PDPK1: variants seen among roughly 807,000 people sequenced by gnomAD.
The protein encoded by PDPK1 is 3-phosphoinositide-dependent protein kinase 1.
Under a neutral mutation model 39.8 loss-of-function variants are expected in PDPK1, and 7 were observed. That is an observed-to-expected ratio of 0.18 (90% CI 0.10 to 0.33). The LOEUF is 0.33. Among genes scored for constraint, PDPK1 ranks in the 10% least tolerant of loss-of-function variants. PDPK1 has a pLI of 1.00. For synonymous variants in PDPK1, 118 were observed against 159.1 expected (o/e 0.74, Z 1.95); for missense variants, 182 against 384.7 (o/e 0.47, Z 4.41).
chr16:2,586,812 C>T lies in PDPK1; in HGVS notation c.1262C>T (p.Ser421Leu), dbSNP rs547797391. The change falls in exon 11 of 14, where the codon TCG (serine) becomes TTG (leucine). Residue 421 changes from serine to leucine, a missense_variant. Ser to Leu is a moderately radical substitution (Grantham distance 145). Around this residue, in one of 5 missense-constraint regions of PDPK1, gnomAD observed 90 missense variants for 111.9 expected, o/e 0.80. Coordinates refer to ENST00000342085, the MANE Select transcript of PDPK1 (RefSeq NM_002613.5). Reference sequence around the variant, plus strand: ...GAGCAGTACATTCACGATCTGGACTCGAACTCCTTTGAACTGGACTTACAG... The same window carrying T: ...GAGCAGTACATTCACGATCTGGACTTGAACTCCTTTGAACTGGACTTACAG... ...NIEQYIHDLDSNSFELDLQFS... is the reference protein window; with the variant it reads ...NIEQYIHDLDLNSFELDLQFS... 5.0e-6 allele frequency: 8 copies of T among 1,614,122 alleles called. No homozygotes were observed. Among genetic ancestry groups the T allele is most frequent in the South Asian group, 2.2e-5 (2 of 91,084 alleles).
At chr16:2,589,914 G>A (rs1416418788) in intron 11 of PDPK1, among the ~76,000 whole-genome samples, 2 of 152,140 alleles carry the variant, frequency 1.3e-5, no homozygotes, top group African/African-American at 2.4e-5. Context: ...CAAAGCCTCC[G>A]GCTGCAGCAC....
chr16:2,546,865 T>C (rs894190143), intron 1 of PDPK1, among the ~76,000 whole-genome samples: 1 of 151,674 alleles, frequency 6.6e-6, no homozygotes, highest in African/African-American at 2.4e-5. Flanking sequence ...TGATGGTCCT[T>C]GGGGAGCCCA....
intron 10 of PDPK1, among the ~76,000 whole-genome samples, chr16:2,586,364 A>C (rs1482365245): frequency 1.3e-5 from 2 of 152,204 alleles, no homozygotes; most frequent in Non-Finnish European, 2.9e-5. Flanking sequence ...TCCGGGGGGC[A>C]GCACTGGCAT....
chr16:2,538,841 G>T, intron 1 of PDPK1: 7 of 1,091,944 alleles, frequency 6.4e-6, no homozygotes, highest in Non-Finnish European at 8.3e-6. Context: ...TAAAAGTGTC[G>T]CTGGTGTTTC....
intron 1 of PDPK1, among the ~76,000 whole-genome samples, chr16:2,541,585 G>A (rs534993213): frequency 2.6e-5 from 4 of 152,296 alleles, no homozygotes; most frequent in African/African-American, 4.8e-5. Context: ...AAGCAGGTGC[G>A]AGGGCCAGGG....
intron 6 of PDPK1, chr16:2,576,470 G>GT (rs1203048827): frequency 7.0e-6 from 1 of 143,800 alleles, no homozygotes; most frequent in Admixed American, 6.7e-5. Context: ...TGAAGTGTTT[G>GT]TTTTTTGTTT....
At chr16:2,551,624 A>G (rs1341182970) in intron 1 of PDPK1, among the ~76,000 whole-genome samples, 2 of 150,276 alleles carry the variant, frequency 1.3e-5, no homozygotes, top group African/African-American at 4.9e-5. Context: ...TCTGCGTGAC[A>G]GCATCTTGAC....
intron 1 of PDPK1, among the ~76,000 whole-genome samples, chr16:2,544,203 T>C (rs77274929): frequency 2.0e-5 from 3 of 152,132 alleles, no homozygotes; most frequent in Non-Finnish European, 2.9e-5. Context: ...ACTCTCCTGA[T>C]AGGTGGTTAC....
At chr16:2,538,945 A>G (rs1305082253) in intron 1 of PDPK1, 2 of 398,184 alleles carry the variant, frequency 5.0e-6, no homozygotes, top group East Asian at 7.6e-5. Flanking sequence ...TTAAAAATTT[A>G]TGCCTTGTAT....
chr16:2,538,818 T>C lies in PDPK1; in HGVS notation c.24+682T>C, dbSNP rs1030977108. The C allele has an allele frequency of 3.3e-6, 4 of 1,207,868 alleles. No individual in the cohort carries two copies. In the African/African-American group the frequency reaches 6.3e-5, roughly 19 times the overall value. The allele number at this position is 1,207,868 out of a possible 1,614,324, so 74.8% of individuals were successfully genotyped here. On this transcript the variant is annotated intron_variant, in intron 1 of 13. Coordinates refer to ENST00000342085, the MANE Select transcript of PDPK1 (RefSeq NM_002613.5). Reference sequence around the variant, plus strand: ...GGACCAAAACAAACCACTTGTTGGGTGAAATGTTTTGCTAAAAGTGTCGCT... The same window carrying C: ...GGACCAAAACAAACCACTTGTTGGGCGAAATGTTTTGCTAAAAGTGTCGCT...
At chr16:2,587,393 A>G (rs1405364022) in intron 11 of PDPK1, among the ~76,000 whole-genome samples, 1 of 152,126 alleles carries the variant, frequency 6.6e-6, no homozygotes, top group Non-Finnish European at 1.5e-5. Context: ...ATGCTCCAAA[A>G]ACAAACTTGT....
rs2067128739 is a variant in PDPK1 at position 2,597,547 on chromosome 16, T to C, written c.1555-104T>C. 1.2e-6 allele frequency: 1 copy of C among 846,548 alleles called. No individual in the cohort carries two copies. The highest frequency in any genetic ancestry group is 2.0e-6 in the Non-Finnish European group (1 of 489,716). The allele number at this position is 846,548 out of a possible 1,614,324, so 52.4% of individuals were successfully genotyped here. ...TGTGTGAATAACCGTCACACCCACG[T>C]GCTTTCAGGACTCGGAATGGCTGGT... On this transcript the variant is annotated intron_variant, in intron 13 of 13. Coordinates refer to ENST00000342085, the MANE Select transcript of PDPK1 (RefSeq NM_002613.5). The surrounding 1 kb of genome is among the most constrained non-coding windows in gnomAD (Gnocchi z 6.3).
In PDPK1 at chr16:2,538,832, A is replaced by G. The variant is rs989545718; in HGVS notation, c.24+696A>G. 6.1e-6 allele frequency: 7 copies of G among 1,147,898 alleles called. No homozygotes were observed. In the African/African-American group the frequency reaches 6.5e-5, roughly 11 times the overall value. 71.1% of individuals were successfully genotyped at this position (1,147,898 alleles called of 1,614,324 possible). A position where few individuals can be genotyped will look rare whatever the true frequency, so the allele number is the denominator to read the frequency against. Reference sequence around the variant, plus strand: ...CACTTGTTGGGTGAAATGTTTTGCTAAAAGTGTCGCTGGTGTTTCTATATT... The same window carrying G: ...CACTTGTTGGGTGAAATGTTTTGCTGAAAGTGTCGCTGGTGTTTCTATATT... On this transcript the variant is annotated intron_variant, in intron 1 of 13. Transcript: ENST00000342085.
intron 1 of PDPK1, among the ~76,000 whole-genome samples, chr16:2,551,676 T>G (rs1287416668): frequency 9.8e-5 from 13 of 132,074 alleles, no homozygotes; most frequent in Non-Finnish European, 1.4e-4. Context: ...TTTTTTTTTT[T>G]TTGTTTTTAG....
chr16:2,589,108 A>G (rs1183251964), intron 11 of PDPK1, among the ~76,000 whole-genome samples: 2 of 152,070 alleles, frequency 1.3e-5, no homozygotes, highest in Non-Finnish European at 2.9e-5. Flanking sequence ...GGCACATGCC[A>G]CCACGTCCAG....
At chr16:2,589,018 G>A (rs1372444179) in intron 11 of PDPK1, among the ~76,000 whole-genome samples, 2 of 152,118 alleles carry the variant, frequency 1.3e-5, no homozygotes, top group African/African-American at 2.4e-5. Flanking sequence ...GTGCAGTGGC[G>A]TGATCTCTGC....
At chr16:2,552,012 T>C (rs2066423078) in intron 1 of PDPK1, among the ~76,000 whole-genome samples, 1 of 151,338 alleles carries the variant, frequency 6.6e-6, no homozygotes. Context: ...ATGGGGTTCT[T>C]AAAAAGAGAT....
intron 1 of PDPK1, chr16:2,538,860 C>T (rs1251904818): frequency 2.2e-6 from 2 of 901,670 alleles, no homozygotes; most frequent in Admixed American, 6.9e-5. Flanking sequence ...TCTATATTTT[C>T]TCTCTATCGC....
chr16:2,596,753 G>A (rs2067110145), intron 12 of PDPK1, among the ~76,000 whole-genome samples: 1 of 152,136 alleles, frequency 6.6e-6, no homozygotes, highest in South Asian at 2.1e-4. Flanking sequence ...CCACTTCCAA[G>A]CGCAGGCTCC....
Sources: allele counts gnomAD v4.1 joint callset (sites outside exome capture counted in the v4.1 genomes callset), GRCh38; gene constraint gnomAD v4.1.1; regional missense constraint gnomAD v4.1.1; non-coding constraint Gnocchi (gnomAD v3.1); transcripts MANE v1.5; gene names NCBI Gene and HGNC (gene_info 2026-07-23, HGNC 2026-07-21).